DST: variants seen among roughly 807,000 people sequenced by gnomAD.
DST encodes the protein bullous pemphigoid antigen.
A neutral mutation model predicts 875.2 loss-of-function variants in DST; 253 were observed. That is an observed-to-expected ratio of 0.29 (90% CI 0.26 to 0.32). The LOEUF (loss-of-function observed/expected upper bound fraction) is 0.32. Ranked by LOEUF, DST falls within the 10% of genes least tolerant of loss-of-function variation. DST has a pLI of 1.00. For missense variants in DST, 8,287 were observed against 9,111.6 expected, an observed-to-expected ratio of 0.91 and a Z score of 3.68; for synonymous variants, 3,124 against 3,197.1, an observed-to-expected ratio of 0.98 and a Z score of 0.77.
chr6:56,925,422 T>C (rs541397740), intron 2 of DST, among the ~76,000 whole-genome samples: 24 of 152,036 alleles, frequency 1.6e-4, no homozygotes, highest in Non-Finnish European at 3.2e-4. Flanking sequence ...CAGTCAGGAG[T>C]TAAAGCACAC....
intron 3 of DST, among the ~76,000 whole-genome samples, chr6:56,857,531 C>G (rs1179873642): frequency 6.6e-6 from 1 of 152,154 alleles, no homozygotes; most frequent in Non-Finnish European, 1.5e-5. Context: ...TAGTCCTAAG[C>G]ATAATTTTAG....
Position 56,572,178 on chromosome 6 carries a change from C to G in DST, c.13643G>C (p.Ser4548Thr). Residue 4548 changes from serine to threonine, a missense_variant, in exon 53 of 104, where the codon AGT (serine) becomes ACT (threonine). Coordinates refer to ENST00000680361, the MANE Select transcript of DST (RefSeq NM_001374736.1). ...LKEISSHGLP[S>T]DKALVLEKTN... is the part of the protein sequence containing the mutation. ...TTTTTCAAGGACCAAAGCCTTATCA[C>G]TTGGTAAGCCATGGCTGGATATCTC... 7.1e-6 allele frequency: 11 copies of G among 1,557,540 alleles called. No individual in the cohort carries two copies. The highest frequency in any genetic ancestry group is 9.6e-6 in the Non-Finnish European group (11 of 1,150,464).
At chr6:56,870,152 T>A (rs13199024) in intron 3 of DST, among the ~76,000 whole-genome samples, 9 of 152,044 alleles carry the variant, frequency 5.9e-5, no homozygotes, top group Non-Finnish European at 1.2e-4. Flanking sequence ...TAAGAATCCC[T>A]AAGCCTAGCT....
intron 2 of DST, among the ~76,000 whole-genome samples, chr6:56,938,007 T>A (rs896226681): frequency 1.3e-5 from 2 of 151,934 alleles, no homozygotes; most frequent in Admixed American, 1.3e-4. Flanking sequence ...AGAGATTGAC[T>A]GCAAACAGGC....
chr6:56,886,739 G>A (rs1784837802), intron 3 of DST, among the ~76,000 whole-genome samples: 1 of 140,088 alleles, frequency 7.1e-6, no homozygotes, highest in Non-Finnish European at 1.5e-5. Context: ...TCGTGCCATT[G>A]CACTCCAGCC....
chr6:56,935,397 A>G (rs1812493476), intron 2 of DST, among the ~76,000 whole-genome samples: 1 of 152,276 alleles, frequency 6.6e-6, no homozygotes, highest in Non-Finnish European at 1.5e-5. Flanking sequence ...AGTGGGCAGT[A>G]GCAGGAATAT....
intron 4 of DST, among the ~76,000 whole-genome samples, chr6:56,845,591 C>T (rs2099806350): frequency 6.6e-6 from 1 of 152,210 alleles, no homozygotes; most frequent in African/African-American, 2.4e-5. Flanking sequence ...CATAAAGTAA[C>T]AACCAGGCAT....
chr6:56,468,399 A>T lies in DST; in HGVS notation c.22569+583T>A, dbSNP rs527692417. On this transcript the variant is annotated intron_variant, in intron 98 of 103. Coordinates refer to ENST00000680361, the MANE Select transcript of DST (RefSeq NM_001374736.1). ...TATAGCGATAACTTTCCTCAAAAGG[A>T]ATATTACTTAAAGCCTACTGAGTTA... 6.4e-4 allele frequency among the ~76,000 whole-genome samples: 98 copies of T among 152,310 alleles called. 1 individual carries two copies. The South Asian group carries it at 0.02, about 32-fold the overall frequency.
chr6:56,610,888 A>G (rs1167533588), intron 38 of DST, among the ~76,000 whole-genome samples: 6 of 152,190 alleles, frequency 3.9e-5, no homozygotes, highest in Non-Finnish European at 8.8e-5. Flanking sequence ...GAAAAGGGAC[A>G]ATAAGGTACC....
intron 56 of DST, 25 bp downstream of exon 56, chr6:56,562,113 G>A (rs1196478873): frequency 9.2e-6 from 13 of 1,419,090 alleles, no homozygotes; most frequent in Non-Finnish European, 1.2e-5. Context: ...ACATTAATCA[G>A]TAACAAATTA....
intron 3 of DST, among the ~76,000 whole-genome samples, chr6:56,854,828 T>C (rs1294517417): frequency 1.3e-5 from 2 of 152,206 alleles, no homozygotes; most frequent in Non-Finnish European, 2.9e-5. Flanking sequence ...ATGAAACCTC[T>C]TTCCAGAATA....
chr6:56,931,457 C>A (rs185970530), intron 2 of DST, among the ~76,000 whole-genome samples: 3 of 152,300 alleles, frequency 2.0e-5, no homozygotes, highest in Non-Finnish European at 4.4e-5. Context: ...ACATAGAGTC[C>A]CTACTGGGGC....
chr6:56,724,764 C>T (rs1211477639), intron 5 of DST, among the ~76,000 whole-genome samples: 1 of 152,196 alleles, frequency 6.6e-6, no homozygotes, highest in African/African-American at 2.4e-5. Context: ...AACTGGCATT[C>T]ATCACTGTAA....
rs1339542850 is a variant in DST at position 56,692,430 on chromosome 6, A to G, written c.1047+7223T>C. On this transcript the variant is annotated intron_variant, in intron 9 of 103. Coordinates refer to ENST00000680361, the MANE Select transcript of DST (RefSeq NM_001374736.1). The stretch of plus-strand genomic sequence containing the variant: ...CCTTAGAAACAGAGGACATACTAGT[A>G]TAAAGGGAATGGCATCTCTTTTTTT... 2.3e-6 allele frequency: 3 copies of G among 1,289,240 alleles called. No homozygotes were observed. The African/African-American group carries it at 4.6e-5, about 20-fold the overall frequency. The allele number at this position is 1,289,240 out of a possible 1,614,324, so 79.9% of individuals were successfully genotyped here.
At chr6:56,734,740 T>C (rs2099516674) in intron 5 of DST, among the ~76,000 whole-genome samples, 1 of 152,242 alleles carries the variant, frequency 6.6e-6, no homozygotes, top group Non-Finnish European at 1.5e-5. Flanking sequence ...TAGAGAAAGT[T>C]AGACATAAGC....
At chr6:56,852,647 C>T (rs1042486273) in intron 3 of DST, among the ~76,000 whole-genome samples, 3 of 152,224 alleles carry the variant, frequency 2.0e-5, no homozygotes, top group African/African-American at 7.2e-5. Flanking sequence ...AGGATGTTGA[C>T]TATCTCTGCT....
chr6:56,901,620 A>AAT (rs1592262985), intron 2 of DST, among the ~76,000 whole-genome samples: 1 of 150,050 alleles, frequency 6.7e-6, no homozygotes, highest in African/African-American at 2.5e-5. Context: ...TAAGATAAAA[A>AAT]ATATATATAT....
At chr6:56,685,268 TC>T in intron 9 of DST, among the ~76,000 whole-genome samples, 1 of 152,100 alleles carries the variant, frequency 6.6e-6, no homozygotes, top group African/African-American at 2.4e-5. Flanking sequence ...ATACCCAGAA[TC>T]TATAAGGACC....
At chr6:56,841,723 T>C (rs1489158351) in intron 4 of DST, among the ~76,000 whole-genome samples, 1 of 152,136 alleles carries the variant, frequency 6.6e-6, no homozygotes, top group Non-Finnish European at 1.5e-5. Context: ...TTCAATAAGG[T>C]TTGTTGGTCT....
Sources: gnomAD v4.1 joint callset for allele counts (sites outside exome capture counted in the v4.1 genomes callset) on GRCh38, gnomAD v4.1.1 for gene constraint, MANE v1.5 for transcripts, NCBI Gene and HGNC (gene_info 2026-07-23, HGNC 2026-07-21) for gene names.